The following LRP1B variants were observed in gnomAD, a reference collection of about 807,000 sequenced individuals.
LRP1B encodes the protein low-density lipoprotein receptor-related protein 1B.
In LRP1B, 217 loss-of-function variants were observed where a neutral mutation model predicts 556.6. That is an observed-to-expected ratio of 0.39 (90% CI 0.35 to 0.44). The LOEUF (loss-of-function observed/expected upper bound fraction) is 0.44, where lower values mean the gene tolerates loss of function less well. LRP1B is among the 20% of genes least tolerant of loss of function. The pLI is 1.00. For synonymous variants in LRP1B, 2,047 were observed against 1,865.8 expected, an observed-to-expected ratio of 1.10 and a Z score of -2.50; for missense variants, 5,053 against 5,620.8, an observed-to-expected ratio of 0.90 and a Z score of 3.23.
chr2:140,485,331 GT>G lies in LRP1B; in HGVS notation c.9425+11del. 3 of 1,602,694 alleles carry G rather than the reference GT, an allele frequency of 1.9e-6. No homozygotes were observed. The highest frequency in any genetic ancestry group is 2.6e-6 in the Non-Finnish European group (3 of 1,175,102). On this transcript the variant is annotated intron_variant, in intron 59 of 90. Transcript: ENST00000389484. ...GTCTTAAACTTTAAGATTTTTAACAGTTTTTACAAACCCAGCTTGAGGATCT... is the reference window on the plus strand; with the variant it reads ...GTCTTAAACTTTAAGATTTTTAACAGTTTTACAAACCCAGCTTGAGGATCT...
intron 2 of LRP1B, among the ~76,000 whole-genome samples, chr2:141,603,403 T>C (rs143379924): frequency 6.6e-6 from 1 of 152,298 alleles, no homozygotes; most frequent in African/African-American, 2.4e-5. Flanking sequence ...ACTTTCTACA[T>C]GAAAAGTGCT....
intron 11 of LRP1B, among the ~76,000 whole-genome samples, chr2:141,023,151 TAAG>T (rs1295687340): frequency 1.3e-5 from 2 of 151,948 alleles, no homozygotes; most frequent in African/African-American, 2.4e-5. Context: ...TCTGAAAACT[TAAG>T]AATATTATTT....
chr2:140,638,857 CATATAAATATGAAATTATGTATGTGTAT>C (rs1383000461), intron 41 of LRP1B, among the ~76,000 whole-genome samples: 1 of 150,770 alleles, frequency 6.6e-6, no homozygotes, highest in Non-Finnish European at 1.5e-5. Context: ...ACTATATTTT[CATATAAATATGAAATTATGTATGTGTAT>C]ATATAAATAT....
At chr2:141,428,378 T>A (rs977776877) in intron 3 of LRP1B, among the ~76,000 whole-genome samples, 1 of 152,058 alleles carries the variant, frequency 6.6e-6, no homozygotes, top group African/African-American at 2.4e-5. Context: ...GATCTAATGC[T>A]CCCATGCACA....
chr2:141,898,513 A>G (rs1182575840), intron 1 of LRP1B, among the ~76,000 whole-genome samples: 2 of 152,166 alleles, frequency 1.3e-5, no homozygotes, highest in African/African-American at 4.8e-5. Flanking sequence ...CACATTGTTA[A>G]TTGTAGAAGA....
At chr2:141,368,498 T>C (rs1689121960) in intron 3 of LRP1B, among the ~76,000 whole-genome samples, 1 of 152,234 alleles carries the variant, frequency 6.6e-6, no homozygotes, top group Non-Finnish European at 1.5e-5. Flanking sequence ...ACATCCATCA[T>C]ATGAGGACAG....
intron 59 of LRP1B, among the ~76,000 whole-genome samples, chr2:140,481,620 ATTT>A (rs1688250748): frequency 6.9e-6 from 1 of 145,454 alleles, no homozygotes; most frequent in Non-Finnish European, 1.5e-5. Flanking sequence ...TATTATTATT[ATTT>A]GGGAACTCCC....
chr2:141,779,903 T>C (rs1027194673), intron 2 of LRP1B, among the ~76,000 whole-genome samples: 6 of 151,842 alleles, frequency 4.0e-5, no homozygotes, highest in South Asian at 2.1e-4. Flanking sequence ...TTTACCTAAA[T>C]TGATTATTTT....
At chr2:141,235,013 T>G (rs957783545) in intron 5 of LRP1B, among the ~76,000 whole-genome samples, 1 of 152,102 alleles carries the variant, frequency 6.6e-6, no homozygotes, top group African/African-American at 2.4e-5. Context: ...AAAAGCTCTT[T>G]ACCAAAATGA....
chr2:142,039,017 C>T (rs749049878), intron 1 of LRP1B, among the ~76,000 whole-genome samples: 1 of 151,404 alleles, frequency 6.6e-6, no homozygotes, highest in Non-Finnish European at 1.5e-5. Context: ...TTTTAAGTCA[C>T]AATACACCAA....
rs1366785743 is a variant in LRP1B at position 140,883,922 on chromosome 2, T to C, written c.4064A>G (p.Asn1355Ser). The stretch of plus-strand genomic sequence containing the variant: ...TTTGGCCACTTCGATTTGGTCCAGA[T>C]TGCTGTCTATCCAGTATATGTTTCC... Reference protein sequence around the residue: ...IAGNIYWIDSNLDQIEVAKLD... With the variant: ...IAGNIYWIDSSLDQIEVAKLD... Residue 1355 changes from asparagine to serine, a missense_variant, in exon 25 of 91, where the codon AAT (asparagine) becomes AGT (serine). This residue lies in a region of LRP1B where 3,619 missense variants were observed against 3,931.9 expected (regional missense o/e 0.92). Coordinates refer to ENST00000389484, the MANE Select transcript of LRP1B (RefSeq NM_018557.3). The C allele has an allele frequency of 1.2e-6, 2 of 1,613,782 alleles. No individual in the cohort carries two copies. The highest frequency in any genetic ancestry group is 1.7e-6 in the Non-Finnish European group (2 of 1,179,972).
rs149386906 is a variant in LRP1B, at chr2:140,915,011, T to C, written c.3320-6934A>G. ...AACTTATCTGCACTCATGCAGTTAC[T>C]GAATGGCAGAGTAGGACTCAAAACA... is the stretch of plus-strand genomic sequence containing the variant. On this transcript the variant is annotated intron_variant, in intron 21 of 90. Transcript: ENST00000389484. Among the ~76,000 whole-genome samples, 114 of 152,248 alleles carry C rather than the reference T, an allele frequency of 7.5e-4. 1 individual carries two copies. Among genetic ancestry groups the C allele is most frequent in the African/African-American group, 2.7e-3 (114 of 41,568 alleles).
At chr2:141,473,096 C>T (rs1290586205) in intron 3 of LRP1B, among the ~76,000 whole-genome samples, 6 of 152,124 alleles carry the variant, frequency 3.9e-5, no homozygotes, top group Non-Finnish European at 7.4e-5. Flanking sequence ...AACTTGAATT[C>T]TAAGTCTCTT....
At chr2:140,860,804 C>G (rs1692763926) in intron 27 of LRP1B, among the ~76,000 whole-genome samples, 1 of 151,880 alleles carries the variant, frequency 6.6e-6, no homozygotes, top group Non-Finnish European at 1.5e-5. Flanking sequence ...AAGAAAACAC[C>G]TTTGGGCTGA....
At chr2:140,754,160 G>T (rs1688670020) in intron 35 of LRP1B, among the ~76,000 whole-genome samples, 1 of 152,158 alleles carries the variant, frequency 6.6e-6, no homozygotes, top group Non-Finnish European at 1.5e-5. Flanking sequence ...CAGAGTTCAA[G>T]CCTAAGTCTA....
At chr2:141,154,984 T>C (rs1007334813) in intron 7 of LRP1B, among the ~76,000 whole-genome samples, 1 of 151,942 alleles carries the variant, frequency 6.6e-6, no homozygotes, top group African/African-American at 2.4e-5. Flanking sequence ...TTATAATAAA[T>C]GTTCTGTACA....
chr2:140,603,867 T>C (rs898315114), intron 41 of LRP1B, among the ~76,000 whole-genome samples: 1 of 152,116 alleles, frequency 6.6e-6, no homozygotes, highest in Non-Finnish European at 1.5e-5. Context: ...AAAAGCCAAT[T>C]AAAATTATTG....
chr2:140,448,016 TTAA>T (rs1573950511), intron 63 of LRP1B, among the ~76,000 whole-genome samples: 1 of 152,068 alleles, frequency 6.6e-6, no homozygotes, highest in South Asian at 2.1e-4. Flanking sequence ...TACAATAGTA[TTAA>T]TAATGTCAAA....
intron 2 of LRP1B, among the ~76,000 whole-genome samples, chr2:141,730,668 C>T (rs940157671): frequency 1.3e-5 from 2 of 152,066 alleles, no homozygotes; most frequent in African/African-American, 4.8e-5. Flanking sequence ...ATTTATGAGT[C>T]AGAGGAAACG....
Sources: allele counts gnomAD v4.1 joint callset (sites outside exome capture counted in the v4.1 genomes callset), GRCh38; gene constraint gnomAD v4.1.1; regional missense constraint gnomAD v4.1.1; transcripts MANE v1.5; gene names NCBI Gene and HGNC (gene_info 2026-07-23, HGNC 2026-07-21).